The following LYRM4 variants were observed in gnomAD, a reference collection of about 807,000 sequenced individuals.
LYRM4 encodes the protein LYR motif-containing protein 4.
Under a neutral mutation model 11.7 loss-of-function variants are expected in LYRM4, and 9 were observed. That is an observed-to-expected ratio of 0.77 (90% CI 0.46 to 1.34). LYRM4 has a LOEUF of 1.34. Among genes scored for constraint, LYRM4 ranks in the 40% most tolerant of loss-of-function variants. The pLI is 0.00. For synonymous variants in LYRM4, 42 were observed against 40.4 expected (o/e 1.04, Z -0.15); for missense variants, 133 against 112.5 (o/e 1.18, Z -0.82).
At chr6:5,052,444 C>G in the LYRM4 span, among the ~76,000 whole-genome samples, 27 of 152,166 alleles carry the variant, frequency 1.8e-4, no homozygotes, top group African/African-American at 6.5e-4. Context: ...ATTCAAACTA[C>G]AGTGTATGCC....
At chr6:5,085,714 C>T in the LYRM4 span, 6 of 1,546,386 alleles carry the variant, frequency 3.9e-6, no homozygotes, top group Non-Finnish European at 5.2e-6. Context: ...GCTGGAATGC[C>T]GCCGCCGCTG....
chr6:5,120,375 A>G (rs1763380944), intron 2 of LYRM4, among the ~76,000 whole-genome samples: 1 of 152,142 alleles, frequency 6.6e-6, no homozygotes, highest in Admixed American at 6.6e-5. Context: ...TCTGCTTTGT[A>G]GTGTGCCCGG....
the LYRM4 span, among the ~76,000 whole-genome samples, chr6:5,042,096 C>T: frequency 1.6e-4 from 25 of 152,064 alleles, no homozygotes; most frequent in South Asian, 1.5e-3. Context: ...GGAGGGTGTC[C>T]GTGGAAATTT....
chr6:5,220,653 G>A (rs1762527512), intron 1 of LYRM4, among the ~76,000 whole-genome samples: 1 of 152,138 alleles, frequency 6.6e-6, no homozygotes, highest in Non-Finnish European at 1.5e-5. Flanking sequence ...TGTATTCCGG[G>A]AGCCTGCTGC....
chr6:5,209,252 C>T (rs1761863504), intron 2 of LYRM4, among the ~76,000 whole-genome samples: 1 of 152,094 alleles, frequency 6.6e-6, no homozygotes, highest in Admixed American at 6.6e-5. Flanking sequence ...TGCAACCAAA[C>T]CTGGCTAATT....
the LYRM4 span, chr6:5,086,645 C>T: frequency 2.5e-6 from 3 of 1,187,350 alleles, no homozygotes; most frequent in South Asian, 4.8e-5. Flanking sequence ...CTTGCTGGGA[C>T]GCTTTGCTGA....
chr6:5,086,502 G>A, the LYRM4 span: 6 of 1,535,654 alleles, frequency 3.9e-6, no homozygotes, highest in African/African-American at 1.4e-5. Flanking sequence ...GCGAGTACTG[G>A]GACAACAACG....
intron 1 of LYRM4, among the ~76,000 whole-genome samples, chr6:5,245,139 T>C (rs1245241325): frequency 7.5e-4 from 63 of 83,600 alleles, no homozygotes; most frequent in Middle Eastern, 6.3e-3. Flanking sequence ...TATATATATA[T>C]ATATATATAT....
the LYRM4 span, among the ~76,000 whole-genome samples, chr6:5,063,142 T>A: frequency 6.6e-6 from 1 of 152,102 alleles, no homozygotes; most frequent in African/African-American, 2.4e-5. Flanking sequence ...TCTTCCTGAA[T>A]AGGATTTTTT....
the LYRM4 span, among the ~76,000 whole-genome samples, chr6:5,080,289 T>G: frequency 6.6e-6 from 1 of 152,178 alleles, no homozygotes; most frequent in South Asian, 2.1e-4. Flanking sequence ...TGTTGCCACA[T>G]AAAATAAAAA....
At chr6:5,150,772 C>G (rs1240148325) in intron 2 of LYRM4, among the ~76,000 whole-genome samples, 2 of 152,224 alleles carry the variant, frequency 1.3e-5, no homozygotes, top group Non-Finnish European at 2.9e-5. Context: ...TGTAGAACTA[C>G]AGCTGAACCA....
the LYRM4 span, among the ~76,000 whole-genome samples, chr6:5,075,693 G>A: frequency 1.1e-4 from 16 of 152,192 alleles, no homozygotes; most frequent in Non-Finnish European, 2.2e-4. Context: ...TCCAAATGCT[G>A]TTAGAACAAT....
At chr6:5,233,453 C>G (rs1290836924) in intron 1 of LYRM4, among the ~76,000 whole-genome samples, 1 of 152,154 alleles carries the variant, frequency 6.6e-6, no homozygotes, top group East Asian at 1.9e-4. Context: ...AAGTTAGGGA[C>G]CTGGATTCAT....
the LYRM4 span, among the ~76,000 whole-genome samples, chr6:5,056,862 A>C: frequency 6.6e-6 from 1 of 152,226 alleles, no homozygotes; most frequent in Non-Finnish European, 1.5e-5. Context: ...TCAAGTAAAA[A>C]ATAATGTTTC....
intron 2 of LYRM4, among the ~76,000 whole-genome samples, chr6:5,165,694 C>A (rs767543092): frequency 1.6e-4 from 24 of 152,036 alleles, no homozygotes; most frequent in Non-Finnish European, 2.5e-4. Flanking sequence ...AGGTGCATAC[C>A]ACCACACCCA....
At chr6:5,228,564 C>A (rs966487791) in intron 1 of LYRM4, among the ~76,000 whole-genome samples, 8 of 152,048 alleles carry the variant, frequency 5.3e-5, no homozygotes, top group Admixed American at 3.9e-4. Flanking sequence ...AGGCTTGAGC[C>A]ACCATGCCCA....
At chr6:5,072,284 C>T in the LYRM4 span, among the ~76,000 whole-genome samples, 2 of 152,108 alleles carry the variant, frequency 1.3e-5, no homozygotes, top group Admixed American at 1.3e-4. Flanking sequence ...TTGCAATAAG[C>T]ATATGTGTGC....
In LYRM4 at chr6:5,109,309, A is replaced by G; in HGVS notation, c.*114T>C. The G allele has an allele frequency of 1.9e-6, 3 of 1,561,040 alleles. No individual in the cohort carries two copies. The highest frequency in any genetic ancestry group is 2.3e-5 in the East Asian group (1 of 43,972). On this transcript the variant is annotated 3_prime_UTR_variant, in exon 3 of 3. Transcript: ENST00000330636. ...TGTGACTTGGTTTATCAGCTCCCAC[A>G]GGACAGGCAGCGCAAAAGGCTATTG...
At chr6:5,123,193 G>A (rs528917472) in intron 2 of LYRM4, among the ~76,000 whole-genome samples, 11 of 152,318 alleles carry the variant, frequency 7.2e-5, no homozygotes, top group African/African-American at 2.6e-4. Flanking sequence ...AGTGGGCCCG[G>A]TGCTCTGAGA....
Sources: gnomAD v4.1 joint callset for allele counts (sites outside exome capture counted in the v4.1 genomes callset) on GRCh38, gnomAD v4.1.1 for gene constraint, MANE v1.5 for transcripts, NCBI Gene and HGNC (gene_info 2026-07-23, HGNC 2026-07-21) for gene names.